ADGRV1: variants seen among roughly 807,000 people sequenced by gnomAD.
ADGRV1 encodes G-protein coupled receptor 98.
In ADGRV1, 359 loss-of-function variants were observed where a neutral mutation model predicts 596.2. The ratio of observed to expected loss-of-function variants is 0.60; its 90% CI spans 0.55 to 0.66. ADGRV1 has a LOEUF of 0.66. ADGRV1 is among the 30% of genes least tolerant of loss of function. The pLI is 0.00. For synonymous variants in ADGRV1, 2,681 were observed against 2,679.2 expected (o/e 1.00, Z -0.02); for missense variants, 7,274 against 7,575.6 (o/e 0.96, Z 1.48).
At chr5:91,144,551 C>T (rs563483275) in intron 87 of ADGRV1, among the ~76,000 whole-genome samples, 2 of 152,280 alleles carry the variant, frequency 1.3e-5, no homozygotes, top group African/African-American at 2.4e-5. Flanking sequence ...AGTGATCTTC[C>T]CACCTTGGTC....
chr5:91,153,170 T>C, intron 88 of ADGRV1, 51 bp from the exon 89 acceptor site: 1 of 1,427,418 alleles, frequency 7.0e-7, no homozygotes, highest in Non-Finnish European at 9.7e-7. Context: ...ATAGTGAATG[T>C]GTATGCATTC....
chr5:90,856,859 A>G (rs565084232), intron 82 of ADGRV1, among the ~76,000 whole-genome samples: 3 of 152,326 alleles, frequency 2.0e-5, no homozygotes, highest in South Asian at 4.1e-4. Flanking sequence ...AGACATTTCT[A>G]ACATTCTGCT....
At position 90,629,241 on chromosome 5, in the gene ADGRV1, T is replaced by C; in HGVS notation, c.1541T>C (p.Val514Ala). 6.2e-7 allele frequency: 1 copy of C among 1,609,154 alleles called. No individual in the cohort carries two copies. Among genetic ancestry groups the C allele is most frequent in the Non-Finnish European group, 8.5e-7 (1 of 1,177,552 alleles). The change falls in exon 9 of 90, where the codon GTC (valine) becomes GCC (alanine). Residue 514 changes from valine to alanine, a missense_variant. Physicochemically the swap from Val to Ala is moderately conservative, Grantham distance 64. Transcript: ENST00000405460. ...LLFYIQDSDD[V>A]YGLITFFPME... is the part of the protein sequence containing the mutation. The stretch of plus-strand genomic sequence containing the variant: ...TTCTACATTCAGGATAGTGATGATG[T>C]CTATGGCCTAATAACATTTTTTCCT...
intron 60 of ADGRV1, among the ~76,000 whole-genome samples, chr5:90,775,185 A>G (rs944953846): frequency 3.5e-4 from 53 of 152,228 alleles, no homozygotes; most frequent in African/African-American, 1.3e-3. Context: ...GCCATCAAGA[A>G]CTCCATCCTA....
chr5:91,123,222 C>T lies in ADGRV1; in HGVS notation c.18432+20882C>T, dbSNP rs556047971. ...TAAAACATGTAAAAGAGTGGCTATA[C>T]GTAATAAATACCCAGTAACTGTTCA... On this transcript the variant is annotated intron_variant, in intron 87 of 89. Coordinates refer to ENST00000405460, the MANE Select transcript of ADGRV1 (RefSeq NM_032119.4). Among the ~76,000 whole-genome samples, 15 of 152,254 alleles carry T rather than the reference C, an allele frequency of 9.9e-5. No individual in the cohort carries two copies. The South Asian group carries it at 2.5e-3, about 25-fold the overall frequency.
rs186162993 is a variant in ADGRV1 at position 91,097,440 on chromosome 5, A to G, written c.18311-4779A>G. Among the ~76,000 whole-genome samples the G allele has an allele frequency of 4.6e-5, 7 of 152,354 alleles. No homozygotes were observed. The East Asian group carries it at 9.6e-4, about 21-fold the overall frequency. On this transcript the variant is annotated intron_variant, in intron 86 of 89. Coordinates refer to ENST00000405460, the MANE Select transcript of ADGRV1 (RefSeq NM_032119.4). Reference sequence around the variant, plus strand: ...ACGTGGCACTGACTAATATCACATTATATGCAAATAGTATATTTTATTTAT... The same window carrying G: ...ACGTGGCACTGACTAATATCACATTGTATGCAAATAGTATATTTTATTTAT...
intron 86 of ADGRV1, among the ~76,000 whole-genome samples, chr5:91,095,861 C>A (rs1346426909): frequency 6.6e-6 from 1 of 151,814 alleles, no homozygotes; most frequent in Non-Finnish European, 1.5e-5. Flanking sequence ...TGGCTCACCG[C>A]AACCTCCACC....
chr5:91,043,021 G>A (rs1785500506), intron 85 of ADGRV1, among the ~76,000 whole-genome samples: 1 of 152,076 alleles, frequency 6.6e-6, no homozygotes, highest in Non-Finnish European at 1.5e-5. Context: ...CTCAGCAACA[G>A]TCTGAGCTTT....
At chr5:90,886,705 C>T (rs1314956530) in intron 83 of ADGRV1, among the ~76,000 whole-genome samples, 1 of 152,130 alleles carries the variant, frequency 6.6e-6, no homozygotes, top group African/African-American at 2.4e-5. Flanking sequence ...TTAACATGTC[C>T]AGATGACAAG....
intron 21 of ADGRV1, among the ~76,000 whole-genome samples, chr5:90,668,244 G>C (rs995659642): frequency 6.6e-6 from 1 of 151,864 alleles, no homozygotes; most frequent in African/African-American, 2.4e-5. Context: ...TCAGACTGCT[G>C]TGCTAGCAAT....
intron 59 of ADGRV1, among the ~76,000 whole-genome samples, chr5:90,768,781 G>GA (rs1757402038): frequency 6.6e-6 from 1 of 152,160 alleles, no homozygotes; most frequent in African/African-American, 2.4e-5. Context: ...GAGTCAGGGG[G>GA]ATATTGCACT....
chr5:90,736,337 G>A (rs1753215758), intron 50 of ADGRV1, among the ~76,000 whole-genome samples: 2 of 152,006 alleles, frequency 1.3e-5, no homozygotes, highest in South Asian at 4.1e-4. Flanking sequence ...TGATCATGGT[G>A]AATGATTCCT....
At chr5:90,891,350 G>C (rs1267033155) in intron 83 of ADGRV1, among the ~76,000 whole-genome samples, 1 of 151,190 alleles carries the variant, frequency 6.6e-6, no homozygotes, top group East Asian at 1.9e-4. Flanking sequence ...AGGTAATATC[G>C]AAATAGCTTT....
chr5:91,030,795 AG>A (rs1784418885), intron 85 of ADGRV1, among the ~76,000 whole-genome samples: 1 of 152,166 alleles, frequency 6.6e-6, no homozygotes, highest in South Asian at 2.1e-4. Flanking sequence ...ATGATTTTGT[AG>A]TACTCTGTCT....
At chr5:91,159,489 T>C (rs1388509989) in intron 89 of ADGRV1, among the ~76,000 whole-genome samples, 1 of 152,228 alleles carries the variant, frequency 6.6e-6, no homozygotes, top group African/African-American at 2.4e-5. Flanking sequence ...ATTTTAACCA[T>C]ATTACATTTT....
intron 89 of ADGRV1, among the ~76,000 whole-genome samples, chr5:91,162,729 GCTAGAAGGTCA>G (rs1045069167): frequency 5.3e-5 from 8 of 152,188 alleles, no homozygotes; most frequent in African/African-American, 1.7e-4. Context: ...GGAGGGCTTG[GCTAGAAGGTCA>G]CTAGTAGGCT....
intron 87 of ADGRV1, among the ~76,000 whole-genome samples, chr5:91,132,846 T>C (rs1227366321): frequency 6.6e-6 from 1 of 152,196 alleles, no homozygotes; most frequent in African/African-American, 2.4e-5. Flanking sequence ...GGAAATCAGA[T>C]GAGTGGAGCT....
At chr5:91,121,975 A>G (rs1793356106) in intron 87 of ADGRV1, among the ~76,000 whole-genome samples, 1 of 152,152 alleles carries the variant, frequency 6.6e-6, no homozygotes, top group Non-Finnish European at 1.5e-5. Flanking sequence ...AGAAGAAAAA[A>G]AAAACAAACT....
Position 90,716,506 on chromosome 5 carries a change from T to C in ADGRV1, c.9224T>C (p.Val3075Ala). 1 of 1,606,856 alleles carries C rather than the reference T, an allele frequency of 6.2e-7. No individual in the cohort carries two copies. Among genetic ancestry groups the C allele is most frequent in the Non-Finnish European group, 8.5e-7 (1 of 1,175,678 alleles). The change falls in exon 43 of 90, where the codon GTT (valine) becomes GCT (alanine). Residue 3075 changes from valine to alanine, a missense_variant. Val to Ala is a moderately conservative substitution (Grantham distance 64). Transcript: ENST00000405460. ...CTTGCTAATGATGACGGCCCTGGAGTTCTATCATTTAACAACAGTGAGCAC... is the reference window on the plus strand; with the variant it reads ...CTTGCTAATGATGACGGCCCTGGAGCTCTATCATTTAACAACAGTGAGCAC... ...IVLANDDGPG[V>A]LSFNNSEHFF...
Sources: allele counts gnomAD v4.1 joint callset (sites outside exome capture counted in the v4.1 genomes callset), GRCh38; gene constraint gnomAD v4.1.1; transcripts MANE v1.5; gene names NCBI Gene and HGNC (gene_info 2026-07-23, HGNC 2026-07-21).